Variants in PHF21B observed in about 807,000 individuals in gnomAD.
PHF21B encodes PHD finger protein 4.
PHF21B carries 22 observed loss-of-function variants against 62.2 expected under a neutral mutation model. The observed-to-expected ratio is 0.35, with a 90% CI of 0.25 to 0.51. The LOEUF (loss-of-function observed/expected upper bound fraction) is 0.51. PHF21B is among the 20% of genes least tolerant of loss of function. The pLI is 0.97. For missense variants in PHF21B, 701 were observed against 707.9 expected (o/e 0.99, Z 0.11); for synonymous variants, 341 against 314.7 (o/e 1.08, Z -0.88).
At chr22:44,958,926 C>G (rs1431762459) in intron 2 of PHF21B, among the ~76,000 whole-genome samples, 3 of 152,110 alleles carry the variant, frequency 2.0e-5, no homozygotes, top group Non-Finnish European at 4.4e-5. Flanking sequence ...CAGGTGTGAG[C>G]CACCGCACCC....
At chr22:44,992,703 A>AGCGT (rs1418304513) in intron 2 of PHF21B, among the ~76,000 whole-genome samples, 2 of 152,188 alleles carry the variant, frequency 1.3e-5, no homozygotes, top group South Asian at 4.1e-4. Flanking sequence ...TGGACTGAAC[A>AGCGT]GCGTGTAAAG....
chr22:44,973,864 T>C (rs550346055), intron 2 of PHF21B, among the ~76,000 whole-genome samples: 70 of 152,176 alleles, frequency 4.6e-4, no homozygotes, highest in Non-Finnish European at 8.5e-4. Flanking sequence ...GAAGACTTCT[T>C]GGAGGAGGTG....
At chr22:45,008,855 G>T in intron 1 of PHF21B, 1 of 1,180,120 alleles carries the variant, frequency 8.5e-7, no homozygotes, top group South Asian at 4.2e-5. Flanking sequence ...GCCACCCGGC[G>T]GCGCGCCCCG....
intron 3 of PHF21B, among the ~76,000 whole-genome samples, chr22:44,919,963 CAG>C (rs2071505120): frequency 6.6e-6 from 1 of 152,198 alleles, no homozygotes; most frequent in Non-Finnish European, 1.5e-5. Flanking sequence ...GCACCTGGCC[CAG>C]AGTCTGTGCT....
chr22:44,890,042 C>A (rs938360865), intron 8 of PHF21B, among the ~76,000 whole-genome samples: 3 of 150,944 alleles, frequency 2.0e-5, no homozygotes, highest in Non-Finnish European at 4.4e-5. Context: ...CACCCCAGGG[C>A]ATGATGGGAA....
intron 2 of PHF21B, among the ~76,000 whole-genome samples, chr22:44,960,906 C>T (rs2072404866): frequency 6.6e-6 from 1 of 151,466 alleles, no homozygotes; most frequent in Admixed American, 6.6e-5. Context: ...AGCTTGCCCA[C>T]TGCAGATCCT....
chr22:45,008,815 G>T, intron 1 of PHF21B: 1 of 1,183,866 alleles, frequency 8.4e-7, no homozygotes, highest in Non-Finnish European at 1.0e-6. Context: ...GCCTCATCGG[G>T]GCAGCTCGCG....
At chr22:44,912,233 T>C (rs1472948944) in intron 5 of PHF21B, among the ~76,000 whole-genome samples, 1 of 152,220 alleles carries the variant, frequency 6.6e-6, no homozygotes, top group African/African-American at 2.4e-5. Flanking sequence ...GGATGAGACT[T>C]TGGACTGTGG....
At chr22:44,964,153 G>A (rs993023880) in intron 2 of PHF21B, among the ~76,000 whole-genome samples, 1 of 152,210 alleles carries the variant, frequency 6.6e-6, no homozygotes, top group Non-Finnish European at 1.5e-5. Flanking sequence ...CTGTACGTAT[G>A]TGCTGCCACT....
intron 2 of PHF21B, among the ~76,000 whole-genome samples, chr22:44,994,647 A>G (rs556110282): frequency 6.6e-6 from 1 of 152,312 alleles, no homozygotes; most frequent in Admixed American, 6.5e-5. Flanking sequence ...AAAAGTAACC[A>G]GCCACAACCC....
intron 2 of PHF21B, among the ~76,000 whole-genome samples, chr22:44,977,257 T>C (rs1304694497): frequency 6.6e-6 from 1 of 152,028 alleles, no homozygotes; most frequent in Non-Finnish European, 1.5e-5. Flanking sequence ...GTTTACCACA[T>C]ATGTATATCA....
chr22:44,922,393 G>T (rs961395987), intron 2 of PHF21B, among the ~76,000 whole-genome samples: 1 of 152,200 alleles, frequency 6.6e-6, no homozygotes, highest in African/African-American at 2.4e-5. Context: ...AGCACTTTGG[G>T]AGACCAAGGC....
intron 2 of PHF21B, among the ~76,000 whole-genome samples, chr22:44,975,494 C>T (rs372584231): frequency 8.5e-5 from 13 of 152,328 alleles, no homozygotes; most frequent in East Asian, 7.7e-4. Flanking sequence ...CCTCATGAGT[C>T]GCAAGCAGGT....
chr22:44,976,087 C>T (rs2072733672), intron 2 of PHF21B, among the ~76,000 whole-genome samples: 1 of 152,194 alleles, frequency 6.6e-6, no homozygotes, highest in Non-Finnish European at 1.5e-5. Flanking sequence ...GGGAGGATCA[C>T]CCGAGCCCAG....
chr22:44,968,106 C>T (rs779212806), intron 2 of PHF21B, among the ~76,000 whole-genome samples: 1 of 152,130 alleles, frequency 6.6e-6, no homozygotes, highest in African/African-American at 2.4e-5. Context: ...TTACTTCCTT[C>T]CTTCCACACT....
rs372182079 is a variant in PHF21B at position 44,883,303 on chromosome 22, T to C, written c.1379A>G (p.Lys460Arg). 30 of 1,613,180 alleles carry C rather than the reference T, an allele frequency of 1.9e-5. No individual in the cohort carries two copies. The African/African-American group carries it at 3.9e-4, about 21-fold the overall frequency. Residue 460 changes from lysine to arginine, a missense_variant and splice_region_variant, in exon 13 of 13, where the codon AAA becomes AGA. Coordinates refer to ENST00000313237, the MANE Select transcript of PHF21B (RefSeq NM_138415.5). ...RDRRLASAVQ[K>R]CLELKTSLLA... The stretch of plus-strand genomic sequence containing the variant: ...CAGGCTTGTCTTCAACTCCAGGCAT[T>C]TCTGTTGGGGAGAAGGTCAGGGGAA...
chr22:45,008,769 G>A, intron 1 of PHF21B, 159 bp from the exon 2 acceptor site: 1 of 1,152,408 alleles, frequency 8.7e-7, no homozygotes, highest in Non-Finnish European at 1.1e-6. Flanking sequence ...GCGGCGGCCG[G>A]GCAGTGCCGC....
At chr22:44,929,377 C>A (rs750997916) in intron 2 of PHF21B, among the ~76,000 whole-genome samples, 1 of 152,336 alleles carries the variant, frequency 6.6e-6, no homozygotes, top group South Asian at 2.1e-4. Flanking sequence ...AGACATCCCG[C>A]CTTCATGAGC....
chr22:44,994,659 C>T (rs112675311), intron 2 of PHF21B, among the ~76,000 whole-genome samples: 22 of 152,298 alleles, frequency 1.4e-4, no homozygotes, highest in African/African-American at 4.3e-4. Context: ...CCACAACCCC[C>T]GGGCTCACAC....
Sources: gnomAD v4.1 joint callset for allele counts (sites outside exome capture counted in the v4.1 genomes callset) on GRCh38, gnomAD v4.1.1 for gene constraint, MANE v1.5 for transcripts, NCBI Gene and HGNC (gene_info 2026-07-23, HGNC 2026-07-21) for gene names.